FGF12: variants seen among roughly 807,000 people sequenced by gnomAD.
The protein encoded by FGF12 is fibroblast growth factor 12B.
FGF12 carries 14 observed loss-of-function variants against 23.6 expected under a neutral mutation model. The ratio of observed to expected loss-of-function variants is 0.59; its 90% CI spans 0.39 to 0.93. The LOEUF (loss-of-function observed/expected upper bound fraction) is 0.93. Ranked by LOEUF, FGF12 falls within the 40% of genes least tolerant of loss-of-function variation. FGF12 has a pLI of 0.00. For missense variants in FGF12, 175 were observed against 217.8 expected, an observed-to-expected ratio of 0.80 and a Z score of 1.24; for synonymous variants, 62 against 77.3, an observed-to-expected ratio of 0.80 and a Z score of 1.04.
chr3:192,263,141 T>C (rs1332140450), intron 4 of FGF12, among the ~76,000 whole-genome samples: 1 of 152,026 alleles, frequency 6.6e-6, no homozygotes, highest in Non-Finnish European at 1.5e-5. Flanking sequence ...AGTAAGTATA[T>C]AGTAGGTGGT....
chr3:192,252,563 T>C (rs1011920159), intron 4 of FGF12, among the ~76,000 whole-genome samples: 1 of 149,536 alleles, frequency 6.7e-6, no homozygotes, highest in African/African-American at 2.5e-5. Flanking sequence ...AACTCTACAG[T>C]GACCGAGGAA....
intron 2 of FGF12, among the ~76,000 whole-genome samples, chr3:192,462,742 T>C (rs1722899572): frequency 6.6e-6 from 1 of 152,140 alleles, no homozygotes; most frequent in Admixed American, 6.5e-5. Flanking sequence ...TAACTTTTGA[T>C]TTAAAAGCCT....
chr3:192,357,548 T>C (rs1577384785), intron 3 of FGF12, among the ~76,000 whole-genome samples: 1 of 151,692 alleles, frequency 6.6e-6, no homozygotes, highest in East Asian at 1.9e-4. Flanking sequence ...AACTCCAGCC[T>C]GGGCAACAGA....
intron 2 of FGF12, among the ~76,000 whole-genome samples, chr3:192,536,451 C>T (rs1352108030): frequency 6.6e-6 from 1 of 152,058 alleles, no homozygotes; most frequent in Non-Finnish European, 1.5e-5. Context: ...TACATGGTGC[C>T]ATCATGTGTG....
intron 2 of FGF12, among the ~76,000 whole-genome samples, chr3:192,385,685 C>A (rs1456904982): frequency 6.6e-6 from 1 of 152,268 alleles, no homozygotes. Flanking sequence ...CATCCACCTC[C>A]GTCTAACAGC....
intron 2 of FGF12, among the ~76,000 whole-genome samples, chr3:192,639,060 G>A (rs949960812): frequency 2.0e-5 from 3 of 151,982 alleles, no homozygotes; most frequent in Non-Finnish European, 4.4e-5. Context: ...ATCTGATAAG[G>A]GATCAGTATC....
chr3:192,716,869 G>C (rs774434182), intron 2 of FGF12, among the ~76,000 whole-genome samples: 2 of 152,148 alleles, frequency 1.3e-5, no homozygotes, highest in African/African-American at 4.8e-5. Flanking sequence ...CAAGTCTTAC[G>C]ATCTTTCTAC....
At chr3:192,203,490 T>C (rs1235663336) in intron 4 of FGF12, among the ~76,000 whole-genome samples, 1 of 152,104 alleles carries the variant, frequency 6.6e-6, no homozygotes, top group Non-Finnish European at 1.5e-5. Context: ...AGGATTTGGA[T>C]ACATGTTGCA....
At chr3:192,412,528 G>A (rs1576963254) in intron 2 of FGF12, among the ~76,000 whole-genome samples, 1 of 152,126 alleles carries the variant, frequency 6.6e-6, no homozygotes, top group Non-Finnish European at 1.5e-5. Flanking sequence ...GGATTCAATC[G>A]GACAACAAAG....
intron 3 of FGF12, among the ~76,000 whole-genome samples, chr3:192,352,961 T>A (rs1244705886): frequency 1.3e-5 from 2 of 152,174 alleles, no homozygotes; most frequent in African/African-American, 4.8e-5. Flanking sequence ...TAACATATCT[T>A]TCAGAACAAA....
intron 2 of FGF12, among the ~76,000 whole-genome samples, chr3:192,382,389 T>C (rs1161129871): frequency 6.6e-6 from 1 of 152,210 alleles, no homozygotes; most frequent in Non-Finnish European, 1.5e-5. Flanking sequence ...ATTTTGCCAA[T>C]GGTGTAGAAC....
At chr3:192,667,675 TC>T (rs1716943485) in intron 2 of FGF12, among the ~76,000 whole-genome samples, 2 of 145,330 alleles carry the variant, frequency 1.4e-5, no homozygotes, top group African/African-American at 5.1e-5. Flanking sequence ...AGGGGAAGTA[TC>T]CCTGATAGAG....
chr3:192,341,461 T>C (rs1717685239), intron 3 of FGF12, among the ~76,000 whole-genome samples: 1 of 152,194 alleles, frequency 6.6e-6, no homozygotes, highest in African/African-American at 2.4e-5. Context: ...AAATGTTGTA[T>C]TATTTTCCTG....
intron 2 of FGF12, among the ~76,000 whole-genome samples, chr3:192,671,546 C>A (rs1183233890): frequency 6.6e-6 from 1 of 152,144 alleles, no homozygotes; most frequent in Non-Finnish European, 1.5e-5. Flanking sequence ...CACCCATAAC[C>A]ATTTACCAGC....
At chr3:192,439,370 T>C (rs1005729233) in intron 2 of FGF12, among the ~76,000 whole-genome samples, 3 of 152,210 alleles carry the variant, frequency 2.0e-5, no homozygotes, top group Non-Finnish European at 4.4e-5. Context: ...TCAGGGGAGC[T>C]GAAAAGAACA....
chr3:192,585,440 T>C (rs1202623292), intron 2 of FGF12, among the ~76,000 whole-genome samples: 2 of 152,116 alleles, frequency 1.3e-5, no homozygotes, highest in African/African-American at 2.4e-5. Flanking sequence ...CAACACTTAG[T>C]TGTGGTTTGG....
At chr3:192,236,304 C>T (rs1719296021) in intron 4 of FGF12, among the ~76,000 whole-genome samples, 1 of 152,060 alleles carries the variant, frequency 6.6e-6, no homozygotes, top group South Asian at 2.1e-4. Context: ...AGTGTAAGCG[C>T]CATGTGCTGA....
intron 2 of FGF12, among the ~76,000 whole-genome samples, chr3:192,534,930 C>A (rs1450596128): frequency 6.6e-6 from 1 of 152,056 alleles, no homozygotes; most frequent in Non-Finnish European, 1.5e-5. Flanking sequence ...TCAGTGGATA[C>A]TTTGATTTTA....
chr3:192,348,181 G>T (rs1404043162), intron 3 of FGF12, among the ~76,000 whole-genome samples: 2 of 152,172 alleles, frequency 1.3e-5, no homozygotes, highest in Admixed American at 1.3e-4. Flanking sequence ...GTAATACTGT[G>T]GAGTGGGCTT....
Sources: allele counts gnomAD v4.1 joint callset (sites outside exome capture counted in the v4.1 genomes callset), GRCh38; gene constraint gnomAD v4.1.1; transcripts MANE v1.5; gene names NCBI Gene and HGNC (gene_info 2026-07-23, HGNC 2026-07-21).